The following UBIAD1 variants were observed in gnomAD, a reference collection of about 807,000 sequenced individuals.
UBIAD1 encodes the protein UbiA prenyltransferase domain containing 1, also known as ubiA prenyltransferase domain-containing protein 1.
UBIAD1 carries 12 observed loss-of-function variants against 20.1 expected under a neutral mutation model. The ratio of observed to expected loss-of-function variants is 0.60; its 90% confidence interval spans 0.38 to 0.97. The LOEUF is 0.97. Ranked by LOEUF, UBIAD1 falls within the 50% of genes least tolerant of loss-of-function variation. The probability of loss-of-function intolerance (pLI) is 0.00; values close to 1 mark genes in which losing one functional copy is unlikely to be tolerated. For missense variants in UBIAD1, 333 were observed against 419.5 expected, an observed-to-expected ratio of 0.79 and a Z score of 1.80; for synonymous variants, 207 against 189.2, an observed-to-expected ratio of 1.09 and a Z score of -0.77.
chr1:11,292,306 G>C (rs796835410), downstream of UBIAD1, among the ~76,000 whole-genome samples: 1 of 152,106 alleles, frequency 6.6e-6, no homozygotes, highest in African/African-American at 2.4e-5. Flanking sequence ...CACCTGGCCA[G>C]ATCAGGAAGG....
downstream of UBIAD1, among the ~76,000 whole-genome samples, chr1:11,290,359 C>A (rs919043702): frequency 7.2e-5 from 11 of 152,306 alleles, no homozygotes; most frequent in Middle Eastern, 0.01. Context: ...TGGGGTTTGG[C>A]CCTGGAATCT....
chr1:11,277,553 C>T (rs953038544), intron 1 of UBIAD1, among the ~76,000 whole-genome samples: 11 of 151,788 alleles, frequency 7.2e-5, no homozygotes, highest in East Asian at 2.0e-4. Context: ...GGATTACAGG[C>T]GTGAGCCACT....
chr1:11,281,965 G>A (rs1237540143), intron 1 of UBIAD1, among the ~76,000 whole-genome samples: 2 of 152,138 alleles, frequency 1.3e-5, no homozygotes, highest in Non-Finnish European at 2.9e-5. Flanking sequence ...GCATTCCATT[G>A]TAACATACCA....
downstream of UBIAD1, chr1:11,295,249 G>T (rs1638428788): frequency 3.1e-6 from 1 of 326,690 alleles, no homozygotes; most frequent in African/African-American, 2.1e-5. Context: ...CTAGGAAGAG[G>T]TGGCCATAAG....
downstream of UBIAD1, among the ~76,000 whole-genome samples, chr1:11,298,662 GA>G (rs1197842157): frequency 2.6e-5 from 4 of 152,156 alleles, no homozygotes; most frequent in Non-Finnish European, 4.4e-5. The surrounding 1 kb of genome is among the most constrained non-coding windows in gnomAD (Gnocchi z 4.0). Flanking sequence ...GACATTTGGG[GA>G]CACCTCCTGC....
chr1:11,288,378 G>A lies in UBIAD1; in HGVS notation c.*2247G>A, dbSNP rs534530361. 6.6e-6 allele frequency: 1 copy of A among 152,340 alleles called. No individual in the cohort carries two copies. The highest frequency in any genetic ancestry group is 1.9e-4 in the East Asian group (1 of 5,196). The allele number at this position is 152,340 out of a possible 1,614,324, so 9.4% of individuals were successfully genotyped here. The stretch of plus-strand genomic sequence containing the variant: ...CCATAATTTGTATTATGTTCCCTGA[G>A]TCAATGAAGGTTTTCTTTAGACTTC... On this transcript the variant is annotated 3_prime_UTR_variant, in exon 2 of 2. Coordinates refer to ENST00000376810, the MANE Select transcript of UBIAD1 (RefSeq NM_013319.3).
downstream of UBIAD1, among the ~76,000 whole-genome samples, chr1:11,288,983 C>T (rs1315387698): frequency 6.6e-6 from 1 of 151,902 alleles, no homozygotes; most frequent in East Asian, 1.9e-4. Context: ...AGCCAGTCAG[C>T]AGTCAGGCCA....
chr1:11,279,291 G>A (rs1222783953), intron 1 of UBIAD1: 1 of 221,346 alleles, frequency 4.5e-6, no homozygotes, highest in East Asian at 1.1e-4. Flanking sequence ...AGCTGCATAA[G>A]CATAACTCAA....
chr1:11,273,262 G>C lies in UBIAD1; in HGVS notation c.-270G>C. ...CGGCTCTGGCGGCCTAAAGAAGGCG[G>C]CCGCGGCTCAGCCGTGGGCTCTAAC... On this transcript the variant is annotated 5_prime_UTR_variant, in exon 1 of 2. Transcript: ENST00000376810. The surrounding 1 kb of genome is among the most constrained non-coding windows in gnomAD (Gnocchi z 4.9). 1 of 491,758 alleles carries C rather than the reference G, an allele frequency of 2.0e-6. No homozygotes were observed. Among genetic ancestry groups the C allele is most frequent in the Non-Finnish European group, 3.7e-6 (1 of 273,144 alleles). The allele number at this position is 491,758 out of a possible 1,614,324, so 30.5% of individuals were successfully genotyped here.
At position 11,273,563 on chromosome 1, in the gene UBIAD1, T is replaced by C. The variant is rs1200287045; in HGVS notation, c.32T>C (p.Ile11Thr). 6.2e-7 allele frequency: 1 copy of C among 1,613,194 alleles called. No homozygotes were observed. Among genetic ancestry groups the C allele is most frequent in the Non-Finnish European group, 8.5e-7 (1 of 1,180,026 alleles). Residue 11 changes from isoleucine (I) to threonine (T), a missense_variant, in exon 1 of 2, where the codon ATT (isoleucine) becomes ACT (threonine). Physicochemically the swap from Ile to Thr is moderately conservative, Grantham distance 89. Transcript: ENST00000376810. This position sits in a 1 kb window ranked among gnomAD's most constrained non-coding sequence, Gnocchi z 4.9. ...GCCTCTCAGGTCCTGGGGGAGAAGA[T>C]TAACATCCTGTCGGGAGAGACTGTC... is the stretch of plus-strand genomic sequence containing the variant. MAASQVLGEK[I>T]NILSGETVKA...
At position 11,273,223 on chromosome 1, in the gene UBIAD1, G is replaced by A. The variant is rs1374286548; in HGVS notation, c.-309G>A. 5.6e-6 allele frequency: 2 copies of A among 360,144 alleles called. No individual in the cohort carries two copies. The highest frequency in any genetic ancestry group is 6.7e-5 in the East Asian group (1 of 14,828). The allele number at this position is 360,144 out of a possible 1,614,324, so 22.3% of individuals were successfully genotyped here. A position where few individuals can be genotyped will look rare whatever the true frequency, so the allele number is the denominator to read the frequency against. On this transcript the variant is annotated 5_prime_UTR_variant, in exon 1 of 2. Coordinates refer to ENST00000376810, the MANE Select transcript of UBIAD1 (RefSeq NM_013319.3). The surrounding 1 kb of genome is among the most constrained non-coding windows in gnomAD (Gnocchi z 4.9). ...GTTTCCGGGCGGGCCTCCAGAGGCCGGCGCACAAGATGGCGGCTCTGGCGG... is the reference window on the plus strand; with the variant it reads ...GTTTCCGGGCGGGCCTCCAGAGGCCAGCGCACAAGATGGCGGCTCTGGCGG...
At chr1:11,282,144 A>G (rs1443622994) in intron 1 of UBIAD1, among the ~76,000 whole-genome samples, 1 of 152,172 alleles carries the variant, frequency 6.6e-6, no homozygotes, top group African/African-American at 2.4e-5. Flanking sequence ...GATGATGTTT[A>G]ATTTTATGAG....
intron 1 of UBIAD1, among the ~76,000 whole-genome samples, chr1:11,281,733 C>A (rs1569897572): frequency 6.6e-6 from 1 of 152,160 alleles, no homozygotes; most frequent in Admixed American, 6.5e-5. Flanking sequence ...ACACTCCCTG[C>A]CCCCATCCAG....
chr1:11,276,773 A>AC (rs567081161), intron 1 of UBIAD1, among the ~76,000 whole-genome samples: 95 of 152,208 alleles, frequency 6.2e-4, no homozygotes, highest in African/African-American at 2.1e-3. Flanking sequence ...TAAAAAAAAA[A>AC]AACTGTAAGC....
Position 11,273,490 on chromosome 1 carries a change from G to T in UBIAD1, c.-42G>T, listed in dbSNP as rs781088648. 26 of 1,608,990 alleles carry T rather than the reference G, an allele frequency of 1.6e-5. 1 individual carries two copies. In the Admixed American group the frequency reaches 4.2e-4, roughly 26 times the overall value. On this transcript the variant is annotated 5_prime_UTR_variant, in exon 1 of 2. Transcript: ENST00000376810. This position sits in a 1 kb window ranked among gnomAD's most constrained non-coding sequence, Gnocchi z 4.9. ...CCTCCTTCCCGGGCGGTCACTGTGCGTGGCTCACTTTTAGAGTTTACTTCA... is the reference window on the plus strand; with the variant it reads ...CCTCCTTCCCGGGCGGTCACTGTGCTTGGCTCACTTTTAGAGTTTACTTCA...
At chr1:11,274,251 C>T (rs1366293426) in intron 1 of UBIAD1, among the ~76,000 whole-genome samples, 191 bp downstream of exon 1, 1 of 152,188 alleles carries the variant, frequency 6.6e-6, no homozygotes, top group Admixed American at 6.5e-5. Flanking sequence ...GACTTACGGA[C>T]GTAGGGCATG....
chr1:11,274,555 C>T (rs1421759428), intron 1 of UBIAD1, among the ~76,000 whole-genome samples: 1 of 151,510 alleles, frequency 6.6e-6, no homozygotes, highest in Non-Finnish European at 1.5e-5. Flanking sequence ...CCTCAGCCTC[C>T]CAAAGTTCTA....
rs1638253405 is a variant in UBIAD1 at position 11,285,856 on chromosome 1, C to G, written c.742C>G (p.Leu248Val). The G allele has an allele frequency of 6.2e-7, 1 of 1,614,124 alleles. No individual in the cohort carries two copies. The highest frequency in any genetic ancestry group is 8.5e-7 in the Non-Finnish European group (1 of 1,180,044). The stretch of plus-strand genomic sequence containing the variant: ...CGACCGGGAGGCTGGTATCGTCACG[C>G]TGGCCATCCTCATCGGCCCCACGTT... ...ESDREAGIVT[L>V]AILIGPTFSY... is the part of the protein sequence containing the mutation. The change falls in exon 2 of 2, where the codon CTG (leucine) becomes GTG (valine). Residue 248 changes from leucine (L) to valine (V), a missense_variant. Around this residue, in one of 3 missense-constraint regions of UBIAD1, gnomAD observed 226 missense variants for 263.5 expected, o/e 0.86. Transcript: ENST00000376810. The surrounding 1 kb of genome is among the most constrained non-coding windows in gnomAD (Gnocchi z 4.4).
chr1:11,290,873 G>A (rs1013105311), downstream of UBIAD1, among the ~76,000 whole-genome samples: 1 of 148,518 alleles, frequency 6.7e-6, no homozygotes, highest in Non-Finnish European at 1.5e-5. Context: ...TGAGGTGGCA[G>A]AATCTCTTGA....
Sources: gnomAD v4.1 joint callset for allele counts (sites outside exome capture counted in the v4.1 genomes callset) on GRCh38, gnomAD v4.1.1 for gene constraint, gnomAD v4.1.1 regional missense constraint, Gnocchi (gnomAD v3.1) non-coding constraint, MANE v1.5 for transcripts, NCBI Gene and HGNC (gene_info 2026-07-23, HGNC 2026-07-21) for gene names.